Variants in SPIDR observed in about 807,000 individuals in gnomAD.
SPIDR encodes scaffold protein involved in DNA repair.
SPIDR carries 93 observed loss-of-function variants against 104.6 expected under a neutral mutation model. The observed-to-expected ratio is 0.89, with a 90% CI of 0.75 to 1.06. SPIDR has a LOEUF of 1.06. Ranked by LOEUF, SPIDR falls within the 50% of genes least tolerant of loss-of-function variation. The pLI, the probability that SPIDR is intolerant of heterozygous loss-of-function variation, is 0.00. For synonymous variants in SPIDR, 431 were observed against 416.9 expected (o/e 1.03, Z -0.41); for missense variants, 1,154 against 1,111.2 (o/e 1.04, Z -0.55).
At chr8:47,469,721 A>C (rs1263897281) in intron 8 of SPIDR, among the ~76,000 whole-genome samples, 3 of 152,132 alleles carry the variant, frequency 2.0e-5, no homozygotes, top group Admixed American at 2.0e-4. Context: ...GGCCTACTGG[A>C]GGGTGGGCGG....
At chr8:47,382,012 T>A (rs879947934) in intron 5 of SPIDR, among the ~76,000 whole-genome samples, 1 of 152,250 alleles carries the variant, frequency 6.6e-6, no homozygotes, top group Non-Finnish European at 1.5e-5. Flanking sequence ...CCATTATTGC[T>A]CTTGGTGTGA....
chr8:47,532,787 T>C (rs1000662333), intron 8 of SPIDR, among the ~76,000 whole-genome samples: 34 of 152,334 alleles, frequency 2.2e-4, no homozygotes, highest in African/African-American at 8.2e-4. Flanking sequence ...CAGAATCTAA[T>C]TTACATTTAT....
intron 7 of SPIDR, among the ~76,000 whole-genome samples, chr8:47,432,993 T>G (rs1395859511): frequency 1.3e-5 from 2 of 152,092 alleles, no homozygotes; most frequent in South Asian, 2.1e-4. Flanking sequence ...TATTAAAAAT[T>G]TATGTCTTGA....
At chr8:47,345,624 C>T (rs1268145931) in intron 5 of SPIDR, among the ~76,000 whole-genome samples, 1 of 152,064 alleles carries the variant, frequency 6.6e-6, no homozygotes, top group Non-Finnish European at 1.5e-5. Flanking sequence ...TTGTTTGTGT[C>T]CTCTTTTATT....
chr8:47,289,963 T>C (rs1186298285), intron 3 of SPIDR, among the ~76,000 whole-genome samples: 2 of 152,186 alleles, frequency 1.3e-5, no homozygotes, highest in East Asian at 3.8e-4. Context: ...ACAACTTAGA[T>C]GAATATCTAG....
intron 8 of SPIDR, among the ~76,000 whole-genome samples, chr8:47,445,813 C>T (rs1554701188): frequency 1.3e-5 from 2 of 152,240 alleles, no homozygotes; most frequent in African/African-American, 4.8e-5. Context: ...GGAGCTCAAA[C>T]AAGCCATGAC....
chr8:47,584,262 G>A (rs2060040507), intron 8 of SPIDR, among the ~76,000 whole-genome samples: 2 of 152,138 alleles, frequency 1.3e-5, no homozygotes, highest in African/African-American at 4.8e-5. Context: ...TTAGATTAAT[G>A]CTTACCTGTG....
chr8:47,584,697 C>T (rs1048490574), intron 8 of SPIDR, among the ~76,000 whole-genome samples: 2 of 152,176 alleles, frequency 1.3e-5, no homozygotes, highest in African/African-American at 2.4e-5. Context: ...GCTGTTAAAA[C>T]AGTATTACTT....
chr8:47,589,183 G>C (rs970623599), intron 8 of SPIDR, among the ~76,000 whole-genome samples: 2 of 151,996 alleles, frequency 1.3e-5, no homozygotes, highest in Non-Finnish European at 2.9e-5. Flanking sequence ...GAATTCTCCA[G>C]TGAAAGTATC....
intron 11 of SPIDR, among the ~76,000 whole-genome samples, chr8:47,692,667 C>G (rs956143783): frequency 2.0e-5 from 3 of 151,466 alleles, no homozygotes; most frequent in African/African-American, 7.3e-5. Context: ...CCAGCTAATT[C>G]GAACTCCTGA....
chr8:47,604,696 A>G (rs1216406433), intron 10 of SPIDR, among the ~76,000 whole-genome samples: 2 of 152,164 alleles, frequency 1.3e-5, no homozygotes, highest in Non-Finnish European at 2.9e-5. Flanking sequence ...AGCTTGAGTT[A>G]TTTAGTTGAA....
chr8:47,332,994 CTTTAG>C lies in SPIDR; in HGVS notation c.525+38969_525+38973del, dbSNP rs571409123. ...TAGTTTCTTTTGCTGTGCAGAAGCT[CTTTAG>C]TTTAATTAGATCCCATTTGTCAATT... is the stretch of plus-strand genomic sequence containing the variant. On this transcript the variant is annotated intron_variant, in intron 5 of 19. Transcript: ENST00000297423. 2.1e-4 allele frequency among the ~76,000 whole-genome samples: 31 copies of C among 150,364 alleles called. No homozygotes were observed. The South Asian group carries it at 6.5e-3, about 32-fold the overall frequency.
At chr8:47,340,448 T>C (rs1205812642) in intron 5 of SPIDR, among the ~76,000 whole-genome samples, 2 of 152,004 alleles carry the variant, frequency 1.3e-5, no homozygotes, top group Non-Finnish European at 2.9e-5. Context: ...CTACTAAAAA[T>C]ACAAAAACTG....
intron 10 of SPIDR, among the ~76,000 whole-genome samples, chr8:47,608,939 G>A (rs2063303420): frequency 6.6e-6 from 1 of 152,168 alleles, no homozygotes; most frequent in African/African-American, 2.4e-5. Flanking sequence ...ATGTTGGCCT[G>A]GATGGTCTCT....
chr8:47,731,412 TC>T (rs2085215137), intron 19 of SPIDR, among the ~76,000 whole-genome samples: 2 of 152,220 alleles, frequency 1.3e-5, no homozygotes, highest in South Asian at 4.2e-4. Flanking sequence ...CAGCAAGTGT[TC>T]CCCAGTGGTG....
chr8:47,685,501 A>ATTTTTTTTTTTTTTTTTTTTTTTTTTT (rs1326028640), intron 11 of SPIDR, among the ~76,000 whole-genome samples: 2 of 110,228 alleles, frequency 1.8e-5, no homozygotes, highest in African/African-American at 2.7e-5. Context: ...TTATTTATTT[A>ATTTTTTTTTTTTTTTTTTTTTTTTTTT]TTTATTTATT....
At chr8:47,350,355 C>T (rs1430730277) in intron 5 of SPIDR, among the ~76,000 whole-genome samples, 1 of 152,126 alleles carries the variant, frequency 6.6e-6, no homozygotes, top group African/African-American at 2.4e-5. Context: ...GCTCTGTCAC[C>T]CATGCTGAAG....
At chr8:47,647,842 G>C (rs1034190379) in intron 10 of SPIDR, among the ~76,000 whole-genome samples, 1 of 152,172 alleles carries the variant, frequency 6.6e-6, no homozygotes, top group African/African-American at 2.4e-5. Context: ...AATGTGTAGG[G>C]AGAGCATCTC....
At chr8:47,338,830 A>T (rs2154273442) in intron 5 of SPIDR, among the ~76,000 whole-genome samples, 1 of 152,218 alleles carries the variant, frequency 6.6e-6, no homozygotes, top group East Asian at 1.9e-4. Context: ...TCCTAAGGGT[A>T]GTCCTGCTCA....
Sources: allele counts gnomAD v4.1 joint callset (sites outside exome capture counted in the v4.1 genomes callset), GRCh38; gene constraint gnomAD v4.1.1; transcripts MANE v1.5; gene names NCBI Gene and HGNC (gene_info 2026-07-23, HGNC 2026-07-21).